Variants in EYA1 observed in about 807,000 individuals in gnomAD.
The protein encoded by EYA1 is EYA transcriptional coactivator and phosphatase 1, also known as protein phosphatase EYA1.
EYA1 carries 16 observed loss-of-function variants against 82.0 expected under a neutral mutation model. The observed-to-expected ratio is 0.20, with a 90% CI of 0.13 to 0.30. EYA1 has a LOEUF of 0.30. Ranked by LOEUF, EYA1 falls within the 10% of genes least tolerant of loss-of-function variation. The probability of loss-of-function intolerance (pLI) is 1.00; values close to 1 mark genes in which losing one functional copy is unlikely to be tolerated. For missense variants in EYA1, 633 were observed against 730.7 expected, an observed-to-expected ratio of 0.87 and a Z score of 1.54; for synonymous variants, 261 against 264.4, an observed-to-expected ratio of 0.99 and a Z score of 0.12.
intron 2 of EYA1, among the ~76,000 whole-genome samples, chr8:71,528,813 GTA>G (rs1255035366): frequency 6.6e-6 from 1 of 152,174 alleles, no homozygotes; most frequent in Non-Finnish European, 1.5e-5. Context: ...TGCAAGAAAG[GTA>G]TTATTATGCC....
At chr8:71,514,012 G>A (rs1010074468) in intron 2 of EYA1, among the ~76,000 whole-genome samples, 2 of 152,058 alleles carry the variant, frequency 1.3e-5, no homozygotes, top group South Asian at 2.1e-4. Context: ...TATGTACCAC[G>A]TTTTCTTTAT....
At chr8:71,314,263 C>T (rs1478560806) in intron 7 of EYA1, among the ~76,000 whole-genome samples, 2 of 152,126 alleles carry the variant, frequency 1.3e-5, no homozygotes, top group African/African-American at 4.8e-5. Context: ...CAACTAGGTG[C>T]ACAAAATCAT....
chr8:71,266,226 C>A (rs775192321), intron 11 of EYA1, among the ~76,000 whole-genome samples: 1 of 152,178 alleles, frequency 6.6e-6, no homozygotes, highest in East Asian at 1.9e-4. Flanking sequence ...GCCACATGCT[C>A]CCCTTGACAA....
At chr8:71,424,477 A>G (rs550189885) in intron 2 of EYA1, among the ~76,000 whole-genome samples, 9 of 152,340 alleles carry the variant, frequency 5.9e-5, no homozygotes, top group Middle Eastern at 3.4e-3. Context: ...TACATGGTAT[A>G]TGATAATTTC....
At chr8:71,213,856 A>G (rs556718626) in intron 16 of EYA1, among the ~76,000 whole-genome samples, 1 of 152,132 alleles carries the variant, frequency 6.6e-6, no homozygotes, top group Non-Finnish European at 1.5e-5. Flanking sequence ...AATAAATGGT[A>G]ATTTATTCAG....
intron 9 of EYA1, among the ~76,000 whole-genome samples, chr8:71,278,819 A>G (rs1367835557): frequency 6.6e-6 from 1 of 152,156 alleles, no homozygotes; most frequent in African/African-American, 2.4e-5. Flanking sequence ...ATCTAGCTTT[A>G]CACCCCAGGG....
At chr8:71,518,012 A>C (rs1813107456) in intron 2 of EYA1, among the ~76,000 whole-genome samples, 1 of 151,962 alleles carries the variant, frequency 6.6e-6, no homozygotes, top group South Asian at 2.1e-4. Flanking sequence ...TTATAGACAA[A>C]TTGTGCTTTA....
intron 3 of EYA1, among the ~76,000 whole-genome samples, chr8:71,337,505 T>C (rs1824636689): frequency 6.6e-6 from 1 of 152,210 alleles, no homozygotes; most frequent in Non-Finnish European, 1.5e-5. Flanking sequence ...GGCAACTTGC[T>C]ACTCTCTAGA....
chr8:71,368,850 A>C (rs553850274), intron 2 of EYA1, among the ~76,000 whole-genome samples: 1 of 152,096 alleles, frequency 6.6e-6, no homozygotes, highest in East Asian at 1.9e-4. Context: ...CAACCCACGA[A>C]TGACTTATAC....
chr8:71,304,987 G>C lies in EYA1; in HGVS notation c.557-5267C>G, dbSNP rs1420765418. 3.5e-5 allele frequency among the ~76,000 whole-genome samples: 5 copies of C among 142,862 alleles called. 2 individuals are homozygous for C. The East Asian group carries it at 1.0e-3, about 29-fold the overall frequency. The allele number at this position is 142,862 out of a possible 152,430, so 93.7% of individuals were successfully genotyped here. On this transcript the variant is annotated intron_variant, in intron 7 of 17. Transcript: ENST00000340726. ...GCAAGAGAGGCACATTTGTGTAGAAGGCTGTCACACACCAGGCTTGAACCT... is the reference window on the plus strand; with the variant it reads ...GCAAGAGAGGCACATTTGTGTAGAACGCTGTCACACACCAGGCTTGAACCT...
intron 14 of EYA1, 152 bp downstream of exon 14, chr8:71,216,540 C>A (rs964837421): frequency 1.2e-6 from 1 of 831,728 alleles, no homozygotes; most frequent in Non-Finnish European, 2.0e-6. Context: ...ATATTTCTGT[C>A]ACTAAATCAC....
chr8:71,332,222 C>T (rs1027552218), intron 4 of EYA1, among the ~76,000 whole-genome samples: 6 of 152,086 alleles, frequency 3.9e-5, no homozygotes, highest in African/African-American at 1.2e-4. Flanking sequence ...ATTAGCTTTC[C>T]GTGAGTTCTG....
intron 2 of EYA1, among the ~76,000 whole-genome samples, chr8:71,468,743 C>A (rs1406223696): frequency 1.3e-5 from 2 of 152,080 alleles, no homozygotes; most frequent in East Asian, 3.9e-4. Flanking sequence ...TCCGGGTTCA[C>A]CATGACAACT....
At position 71,357,864 on chromosome 8, in the gene EYA1, G is replaced by A. The variant is rs1237571848; in HGVS notation, c.-54-1353C>T. On this transcript the variant is annotated intron_variant, in intron 1 of 17. Coordinates refer to ENST00000340726, the MANE Select transcript of EYA1 (RefSeq NM_000503.6). Reference sequence around the variant, plus strand: ...TCAATGCCTACAGATGTGTCATTCCGTGATAACAACCTTCTGCGATTTTTG... The same window carrying A: ...TCAATGCCTACAGATGTGTCATTCCATGATAACAACCTTCTGCGATTTTTG... 3.3e-5 allele frequency among the ~76,000 whole-genome samples: 5 copies of A among 152,184 alleles called. No homozygotes were observed. In the East Asian group the frequency reaches 9.6e-4, roughly 29 times the overall value.
At chr8:71,416,809 C>G (rs1226072396) in intron 2 of EYA1, among the ~76,000 whole-genome samples, 2 of 152,138 alleles carry the variant, frequency 1.3e-5, no homozygotes, top group African/African-American at 2.4e-5. Context: ...ATTTGAAAAA[C>G]ACTAGCTAGA....
chr8:71,244,530 A>G, intron 12 of EYA1, 73 bp downstream of exon 12: 1 of 795,684 alleles, frequency 1.3e-6, no homozygotes, highest in Non-Finnish European at 2.1e-6. Context: ...AAAAAATAAT[A>G]TCCTATCTTT....
chr8:71,508,842 G>C (rs562084368), intron 2 of EYA1, among the ~76,000 whole-genome samples: 1 of 152,084 alleles, frequency 6.6e-6, no homozygotes, highest in Non-Finnish European at 1.5e-5. Flanking sequence ...GTCATCCAGA[G>C]AAAAGAGATT....
At chr8:71,230,104 A>G (rs1811017407) in intron 12 of EYA1, among the ~76,000 whole-genome samples, 1 of 152,196 alleles carries the variant, frequency 6.6e-6, no homozygotes, top group Admixed American at 6.5e-5. Flanking sequence ...AGGGACTGCA[A>G]CTTAAACACA....
chr8:71,508,336 C>G (rs754004271), intron 2 of EYA1, among the ~76,000 whole-genome samples: 10 of 152,236 alleles, frequency 6.6e-5, no homozygotes, highest in African/African-American at 2.4e-4. Context: ...TGCAGTGGCA[C>G]GATCTCAGCT....
Sources: allele counts gnomAD v4.1 joint callset (sites outside exome capture counted in the v4.1 genomes callset), GRCh38; gene constraint gnomAD v4.1.1; transcripts MANE v1.5; gene names NCBI Gene and HGNC (gene_info 2026-07-23, HGNC 2026-07-21).